ST6GALNAC3: variants seen among roughly 807,000 people sequenced by gnomAD.
ST6GALNAC3 encodes the protein ST6 N-acetylgalactosaminide alpha-2,6-sialyltransferase 3, also known as alpha-N-acetylgalactosaminide alpha-2,6-sialyltransferase 3.
A neutral mutation model predicts 32.7 loss-of-function variants in ST6GALNAC3; 25 were observed. That is an observed-to-expected ratio of 0.76 (90% confidence interval 0.56 to 1.07). The LOEUF (loss-of-function observed/expected upper bound fraction) is 1.07. Ranked by LOEUF, ST6GALNAC3 falls within the 50% of genes least tolerant of loss-of-function variation. The pLI, the probability that ST6GALNAC3 is intolerant of heterozygous loss-of-function variation, is 0.00. For missense variants in ST6GALNAC3, 355 were observed against 382.4 expected, an observed-to-expected ratio of 0.93 and a Z score of 0.60; for synonymous variants, 129 against 133.1, an observed-to-expected ratio of 0.97 and a Z score of 0.21.
At chr1:76,232,076 C>G (rs1019595935) in intron 1 of ST6GALNAC3, among the ~76,000 whole-genome samples, 2 of 152,134 alleles carry the variant, frequency 1.3e-5, no homozygotes, top group Non-Finnish European at 2.9e-5. Flanking sequence ...CAGAACCAGG[C>G]TTTGATACCA....
At chr1:76,202,268 ATGTGTGTGTG>A (rs58107501) in intron 1 of ST6GALNAC3, among the ~76,000 whole-genome samples, 87 of 145,434 alleles carry the variant, frequency 6.0e-4, no homozygotes, top group African/African-American at 2.0e-3. Flanking sequence ...GTGTGCATGC[ATGTGTGTGTG>A]TGTGTGTGTG....
rs186981890 is a variant in ST6GALNAC3 at position 76,145,393 on chromosome 1, G to A, written c.18+70509G>A. The stretch of plus-strand genomic sequence containing the variant: ...TGCCTTTCAACTCAAAGTGTGGGAC[G>A]TGTACTAGCAGCATGGGCATCACCA... On this transcript the variant is annotated intron_variant, in intron 1 of 4. Transcript: ENST00000328299. Among the ~76,000 whole-genome samples the A allele has an allele frequency of 5.8e-4, 89 of 152,270 alleles. 1 individual carries two copies. In the Middle Eastern group the frequency reaches 0.01, roughly 17 times the overall value.
intron 3 of ST6GALNAC3, among the ~76,000 whole-genome samples, chr1:76,601,509 G>A (rs931433589): frequency 6.6e-6 from 1 of 152,146 alleles, no homozygotes; most frequent in African/African-American, 2.4e-5. Context: ...GAGGATTAAA[G>A]AAGAGGAAAT....
chr1:76,197,848 G>T (rs1166993132), intron 1 of ST6GALNAC3, among the ~76,000 whole-genome samples: 2 of 152,148 alleles, frequency 1.3e-5, no homozygotes, highest in Non-Finnish European at 2.9e-5. Context: ...TGCATTATAG[G>T]ATGTTTAGTA....
intron 1 of ST6GALNAC3, among the ~76,000 whole-genome samples, chr1:76,112,711 G>A (rs1378369548): frequency 9.2e-5 from 14 of 151,488 alleles, no homozygotes; most frequent in African/African-American, 1.5e-4. Flanking sequence ...CGGGGCGGCC[G>A]GGCAGAGACG....
chr1:76,271,240 GGGCTGTGGTATGGGT>G (rs1296431729), intron 1 of ST6GALNAC3, among the ~76,000 whole-genome samples: 2 of 152,108 alleles, frequency 1.3e-5, no homozygotes, highest in African/African-American at 4.8e-5. Context: ...AGAATTTTGC[GGGCTGTGGTATGGGT>G]GTAAAGTGGT....
At chr1:76,307,208 A>G (rs181778978) in intron 1 of ST6GALNAC3, among the ~76,000 whole-genome samples, 1 of 152,206 alleles carries the variant, frequency 6.6e-6, no homozygotes, top group Admixed American at 6.5e-5. Context: ...TTACTTACCC[A>G]TACCCCTAAC....
chr1:76,111,864 T>A (rs545563861), intron 1 of ST6GALNAC3, among the ~76,000 whole-genome samples: 1 of 151,858 alleles, frequency 6.6e-6, no homozygotes, highest in Non-Finnish European at 1.5e-5. Flanking sequence ...GGCAACCATC[T>A]GATTTCTCAA....
At chr1:76,574,932 A>G (rs1646777018) in intron 3 of ST6GALNAC3, among the ~76,000 whole-genome samples, 1 of 152,098 alleles carries the variant, frequency 6.6e-6, no homozygotes, top group African/African-American at 2.4e-5. Context: ...CTCAAGCCCC[A>G]TGCTAAGGCA....
chr1:76,504,595 C>G (rs965499249), intron 3 of ST6GALNAC3, among the ~76,000 whole-genome samples: 24 of 151,938 alleles, frequency 1.6e-4, no homozygotes, highest in African/African-American at 5.3e-4. Context: ...TACAAGAAAC[C>G]CAACTGATGC....
chr1:76,417,999 A>G (rs572897909), intron 3 of ST6GALNAC3, among the ~76,000 whole-genome samples: 2 of 152,306 alleles, frequency 1.3e-5, no homozygotes, highest in South Asian at 4.1e-4. Context: ...TGATTTGTGA[A>G]TACAGTATCA....
intron 2 of ST6GALNAC3, among the ~76,000 whole-genome samples, chr1:76,327,442 G>C (rs1442507465): frequency 6.6e-6 from 1 of 152,078 alleles, no homozygotes; most frequent in Non-Finnish European, 1.5e-5. Context: ...GCGATCTGCT[G>C]GCAGAATTCC....
intron 1 of ST6GALNAC3, among the ~76,000 whole-genome samples, chr1:76,154,401 T>A (rs893096542): frequency 4.6e-5 from 7 of 152,328 alleles, no homozygotes; most frequent in Non-Finnish European, 8.8e-5. Context: ...AAGCTGCTAC[T>A]TTGTGTCTCA....
At chr1:76,227,947 GA>G (rs35398262) in intron 1 of ST6GALNAC3, among the ~76,000 whole-genome samples, 1 of 151,750 alleles carries the variant, frequency 6.6e-6, no homozygotes, top group African/African-American at 2.4e-5. Flanking sequence ...TGTGTTCAGG[GA>G]AAAAAAAGTC....
At chr1:76,448,642 T>C (rs1379269118) in intron 3 of ST6GALNAC3, among the ~76,000 whole-genome samples, 3 of 152,166 alleles carry the variant, frequency 2.0e-5, no homozygotes, top group Non-Finnish European at 2.9e-5. Context: ...CATGCTGTTC[T>C]GGTGATAGTA....
intron 3 of ST6GALNAC3, among the ~76,000 whole-genome samples, chr1:76,566,173 T>C (rs1372390933): frequency 6.6e-6 from 1 of 152,226 alleles, no homozygotes; most frequent in Non-Finnish European, 1.5e-5. Flanking sequence ...TCTCAGATTC[T>C]ACCCTAAAAT....
At chr1:76,096,044 G>T (rs1647126120) in intron 1 of ST6GALNAC3, among the ~76,000 whole-genome samples, 1 of 152,188 alleles carries the variant, frequency 6.6e-6, no homozygotes, top group South Asian at 2.1e-4. Context: ...GGCAGAGATT[G>T]CAGGAGCTGG....
At chr1:76,149,525 A>G (rs1388683500) in intron 1 of ST6GALNAC3, among the ~76,000 whole-genome samples, 3 of 152,172 alleles carry the variant, frequency 2.0e-5, no homozygotes, top group Non-Finnish European at 4.4e-5. Context: ...GGTGTACAAC[A>G]TGATATATAT....
intron 3 of ST6GALNAC3, among the ~76,000 whole-genome samples, chr1:76,487,504 C>T (rs1660199599): frequency 6.6e-6 from 1 of 152,290 alleles, no homozygotes; most frequent in Middle Eastern, 3.4e-3. Context: ...ACCCTTTCTT[C>T]CAGTTGATCG....
Sources: gnomAD v4.1 joint callset for allele counts (sites outside exome capture counted in the v4.1 genomes callset) on GRCh38, gnomAD v4.1.1 for gene constraint, MANE v1.5 for transcripts, NCBI Gene and HGNC (gene_info 2026-07-23, HGNC 2026-07-21) for gene names.